Variants in SLC1A4 observed in about 807,000 individuals in gnomAD.
SLC1A4 encodes neutral amino acid transporter A.
A neutral mutation model predicts 37.7 loss-of-function variants in SLC1A4; 19 were observed. The ratio of observed to expected loss-of-function variants is 0.50; its 90% CI spans 0.35 to 0.74. The LOEUF (loss-of-function observed/expected upper bound fraction) is 0.74. Among genes scored for constraint, SLC1A4 ranks in the 30% least tolerant of loss-of-function variants. The pLI is 0.01. For missense variants in SLC1A4, 570 were observed against 712.9 expected (o/e 0.80, Z 2.28); for synonymous variants, 299 against 309.8 (o/e 0.97, Z 0.37).
rs867320492 is a variant in SLC1A4, at chr2:65,018,344, A to T, written c.1229+79A>T. 5.4e-6 allele frequency: 8 copies of T among 1,471,994 alleles called. No individual in the cohort carries two copies. The Middle Eastern group carries it at 1.4e-3, about 260-fold the overall frequency. The allele number at this position is 1,471,994 out of a possible 1,614,324, so 91.2% of individuals were successfully genotyped here. A position where few individuals can be genotyped will look rare whatever the true frequency, so the allele number is the denominator to read the frequency against. On this transcript the variant is annotated intron_variant, in intron 6 of 7. Transcript: ENST00000234256. The surrounding 1 kb of genome is among the most constrained non-coding windows in gnomAD (Gnocchi z 4.3). The stretch of plus-strand genomic sequence containing the variant: ...CCTTTGAAAAACCAATCTCACCACA[A>T]CTTGGTGTCTCGCTCATAAAATGAG...
In SLC1A4 at chr2:65,021,089, C is replaced by T; in HGVS notation, c.1542C>T (p.Asn514=). Residue 514 remains asparagine (N), a synonymous_variant, in exon 8 of 8, where the codon AAC becomes AAT. Coordinates refer to ENST00000234256, the MANE Select transcript of SLC1A4 (RefSeq NM_003038.5). ...EETSPLVTHQ[N]PAGPVASAPE... The stretch of plus-strand genomic sequence containing the variant: ...CATCGCCCCTGGTGACACACCAGAA[C>T]CCCGCTGGCCCCGTGGCCAGTGCCC... The T allele has an allele frequency of 1.2e-6, 2 of 1,614,242 alleles. No homozygotes were observed. The highest frequency in any genetic ancestry group is 1.7e-6 in the Non-Finnish European group (2 of 1,180,040).
chr2:65,007,598 G>C (rs1163179993), intron 3 of SLC1A4, among the ~76,000 whole-genome samples: 3 of 152,184 alleles, frequency 2.0e-5, no homozygotes, highest in African/African-American at 7.2e-5. Context: ...CTGAGAGTTG[G>C]TTCGAAAGCT....
rs1674516706 is a variant in SLC1A4 at position 65,023,590 on chromosome 2, CGA to C, written c.*2448_*2449del. 6.6e-6 allele frequency: 1 copy of C among 152,614 alleles called. No homozygotes were observed. The highest frequency in any genetic ancestry group is 2.4e-5 in the African/African-American group (1 of 41,440). 9.5% of individuals were successfully genotyped at this position (152,614 alleles called of 1,614,324 possible). On this transcript the variant is annotated 3_prime_UTR_variant, in exon 8 of 8. Coordinates refer to ENST00000234256, the MANE Select transcript of SLC1A4 (RefSeq NM_003038.5). ...GTCTGGGTCTGGAGAAGGGTGCTTCCGAGAGTGTGCAGGTGGCCCTTCCCCTT... is the reference window on the plus strand; with the variant it reads ...GTCTGGGTCTGGAGAAGGGTGCTTCCGAGTGTGCAGGTGGCCCTTCCCCTT...
intron 1 of SLC1A4, chr2:64,994,642 G>C (rs961041445): frequency 6.6e-6 from 1 of 152,060 alleles, no homozygotes; most frequent in Admixed American, 6.6e-5. Flanking sequence ...CTCAAGGACT[G>C]GTGTGAATAT....
In SLC1A4 at chr2:64,990,262, A is replaced by G; in HGVS notation, c.527+92A>G. The G allele has an allele frequency of 2.5e-6, 3 of 1,201,090 alleles. No homozygotes were observed. The South Asian group carries it at 5.0e-5, about 20-fold the overall frequency. The allele number at this position is 1,201,090 out of a possible 1,614,324, so 74.4% of individuals were successfully genotyped here. ...ACACCCATATGCTTATACACTCCTA[A>G]GAGTTAATTCTTAGCTGGCTGCTGG... On this transcript the variant is annotated intron_variant, in intron 1 of 7. Transcript: ENST00000234256.
chr2:65,003,430 A>G (rs1673553739), intron 2 of SLC1A4, among the ~76,000 whole-genome samples: 1 of 152,242 alleles, frequency 6.6e-6, no homozygotes, highest in Non-Finnish European at 1.5e-5. Context: ...AGATGATGCC[A>G]TCTTGCCTCA....
rs147775285 is a variant in SLC1A4 at position 64,996,715 on chromosome 2, C to G, written c.528-4733C>G. Among the ~76,000 whole-genome samples, 491 of 152,294 alleles carry G rather than the reference C, an allele frequency of 3.2e-3. 3 individuals are homozygous for G. The highest frequency in any genetic ancestry group is 0.011 in the African/African-American group (466 of 41,564). On this transcript the variant is annotated intron_variant, in intron 1 of 7. Transcript: ENST00000234256. ...CACAAATGCAGGCATTTCAGTTGGA[C>G]AGTGCTGGCCTAGATGGAGCAGAAA...
intron 3 of SLC1A4, among the ~76,000 whole-genome samples, chr2:65,008,806 T>C (rs1206182291): frequency 6.6e-6 from 1 of 152,200 alleles, no homozygotes; most frequent in Non-Finnish European, 1.5e-5. Context: ...ACAGTCTAAG[T>C]ACTTTACATA....
chr2:65,020,856 A>T, intron 7 of SLC1A4, 56 bp from the exon 8 acceptor site: 1 of 1,458,136 alleles, frequency 6.9e-7, no homozygotes, highest in Admixed American at 1.7e-5. Context: ...GCTGCCTGTG[A>T]CAGGACCCGA....
intron 4 of SLC1A4, among the ~76,000 whole-genome samples, chr2:65,015,398 G>A (rs1674081944): frequency 6.6e-6 from 1 of 152,122 alleles, no homozygotes; most frequent in African/African-American, 2.4e-5. Context: ...TTTCAAAGAT[G>A]TAATATAGGG....
In SLC1A4 at chr2:64,990,081, G is replaced by A. The variant is rs771070744; in HGVS notation, c.438G>A (p.Gln146=). The stretch of plus-strand genomic sequence containing the variant: ...TCATCAAGCCAGGATCCGGTGCGCA[G>A]ACCCTTCAGTCCAGCGACCTGGGGC... ...AFIIKPGSGA[Q]TLQSSDLGLE... The change falls in exon 1 of 8, where the codon CAG becomes CAA. Residue 146 remains glutamine, a synonymous_variant. Coordinates refer to ENST00000234256, the MANE Select transcript of SLC1A4 (RefSeq NM_003038.5). 1 of 1,609,284 alleles carries A rather than the reference G, an allele frequency of 6.2e-7. No individual in the cohort carries two copies. Among genetic ancestry groups the A allele is most frequent in the South Asian group, 1.1e-5 (1 of 89,784 alleles).
Position 65,002,470 on chromosome 2 carries a change from A to G in SLC1A4, c.570+980A>G, listed in dbSNP as rs1481561090. Among the ~76,000 whole-genome samples, 3 of 151,278 alleles carry G rather than the reference A, an allele frequency of 2.0e-5. No individual in the cohort carries two copies. The East Asian group carries it at 5.8e-4, about 29-fold the overall frequency. Reference sequence around the variant, plus strand: ...GAGTATTCCATTGTAAGAGTATAACATAATTCTCCTCTACTAGTCCCCTAC... The same window carrying G: ...GAGTATTCCATTGTAAGAGTATAACGTAATTCTCCTCTACTAGTCCCCTAC... On this transcript the variant is annotated intron_variant, in intron 2 of 7. Coordinates refer to ENST00000234256, the MANE Select transcript of SLC1A4 (RefSeq NM_003038.5).
intron 4 of SLC1A4, among the ~76,000 whole-genome samples, chr2:65,014,079 T>C (rs930690775): frequency 4.6e-5 from 7 of 152,146 alleles, no homozygotes; most frequent in South Asian, 2.1e-4. Context: ...GAAGAAAATA[T>C]AGAGGCAGGG....
At chr2:65,016,820 C>A (rs1461370251) in intron 5 of SLC1A4, 147 bp downstream of exon 5, 2 of 636,548 alleles carry the variant, frequency 3.1e-6, no homozygotes, top group Admixed American at 2.9e-5. Flanking sequence ...TTTGTTTTTT[C>A]TTCTTTAAGA....
rs76671533 is a variant in SLC1A4 at position 64,990,885 on chromosome 2, C to A, written c.527+715C>A. Among the ~76,000 whole-genome samples the A allele has an allele frequency of 3.2e-3, 489 of 152,272 alleles. 3 individuals are homozygous for A. The highest frequency in any genetic ancestry group is 0.011 in the African/African-American group (464 of 41,552). Reference sequence around the variant, plus strand: ...AGAGAAGCATCTTCACTTAGTTTTGCCTGCTTTTTGCAATTCTTAGAAGTT... The same window carrying A: ...AGAGAAGCATCTTCACTTAGTTTTGACTGCTTTTTGCAATTCTTAGAAGTT... On this transcript the variant is annotated intron_variant, in intron 1 of 7. Transcript: ENST00000234256.
chr2:64,998,652 G>C (rs966401652), intron 1 of SLC1A4, among the ~76,000 whole-genome samples: 1 of 152,168 alleles, frequency 6.6e-6, no homozygotes, highest in Admixed American at 6.5e-5. Flanking sequence ...AGGTGTAGAA[G>C]TTCTGGGTTA....
At position 64,990,999 on chromosome 2, in the gene SLC1A4, C is replaced by T. The variant is rs1673028096; in HGVS notation, c.527+829C>T. On this transcript the variant is annotated intron_variant, in intron 1 of 7. Coordinates refer to ENST00000234256, the MANE Select transcript of SLC1A4 (RefSeq NM_003038.5). Reference sequence around the variant, plus strand: ...CTGGTTTCTCCATTAGCCCAAAGTTCACAAATGGGGAAACTGCAGCCCGGA... The same window carrying T: ...CTGGTTTCTCCATTAGCCCAAAGTTTACAAATGGGGAAACTGCAGCCCGGA... Among the ~76,000 whole-genome samples the T allele has an allele frequency of 2.0e-5, 3 of 152,310 alleles. No homozygotes were observed. The South Asian group carries it at 6.2e-4, about 32-fold the overall frequency.
intron 4 of SLC1A4, among the ~76,000 whole-genome samples, chr2:65,016,045 T>G (rs1191431665): frequency 6.6e-6 from 1 of 152,226 alleles, no homozygotes; most frequent in Admixed American, 6.5e-5. Context: ...GTTAGTCTTT[T>G]GTGTTTCTAA....
rs954525522 is a variant in SLC1A4 at position 65,016,486 on chromosome 2, G to A, written c.847G>A (p.Glu283Lys). 1.9e-6 allele frequency: 3 copies of A among 1,614,204 alleles called. No homozygotes were observed. Among genetic ancestry groups the A allele is most frequent in the Non-Finnish European group, 2.5e-6 (3 of 1,180,030 alleles). Residue 283 changes from glutamate (E) to lysine (K), a missense_variant, in exon 5 of 8, where the codon GAA becomes AAA. Glu to Lys is a moderately conservative substitution (Grantham distance 56, BLOSUM62 1). Transcript: ENST00000234256. ...IMFLVGSKIV[E>K]MKDIIVLVTS... is the part of the protein sequence containing the mutation. ...GTTCCTTGTTGGAAGCAAGATCGTG[G>A]AAATGAAAGACATCATCGTGCTGGT... is the stretch of plus-strand genomic sequence containing the variant.
Sources: allele counts gnomAD v4.1 joint callset (sites outside exome capture counted in the v4.1 genomes callset), GRCh38; gene constraint gnomAD v4.1.1; non-coding constraint Gnocchi (gnomAD v3.1); transcripts MANE v1.5; gene names NCBI Gene and HGNC (gene_info 2026-07-23, HGNC 2026-07-21).